The following RNMT variants were observed in gnomAD, a reference collection of about 807,000 sequenced individuals.
RNMT encodes RNA guanine-7 methyltransferase.
Under a neutral mutation model 56.0 loss-of-function variants are expected in RNMT, and 27 were observed. The observed-to-expected ratio is 0.48, with a 90% CI of 0.36 to 0.67. The LOEUF (loss-of-function observed/expected upper bound fraction) is 0.67. Among genes scored for constraint, RNMT ranks in the 30% least tolerant of loss-of-function variants. The probability of loss-of-function intolerance (pLI) is 0.00; values close to 1 mark genes in which losing one functional copy is unlikely to be tolerated. For synonymous variants in RNMT, 184 were observed against 176.2 expected (o/e 1.04, Z -0.35); for missense variants, 519 against 552.1 (o/e 0.94, Z 0.60).
At position 13,753,974 on chromosome 18, in the gene RNMT, A is replaced by G. The variant is rs565187519; in HGVS notation, c.1360-140A>G. ...GATTTCTTTTATATGCTCAGGTCAC[A>G]ATATGATTAACAGTGAATCGAATGT... On this transcript the variant is annotated intron_variant, in intron 10 of 11. Transcript: ENST00000383314. 3.8e-4 allele frequency: 220 copies of G among 581,548 alleles called. 1 individual carries two copies. In the African/African-American group the frequency reaches 3.8e-3, roughly 10 times the overall value. 36.0% of individuals were successfully genotyped at this position (581,548 alleles called of 1,614,324 possible).
At chr18:13,746,140 G>T in intron 8 of RNMT, 80 bp from the exon 9 acceptor site, 4 of 723,792 alleles carry the variant, frequency 5.5e-6, no homozygotes, top group South Asian at 3.6e-5. Context: ...AAGTCCAGAA[G>T]ATGTCATTGC....
intron 1 of RNMT, among the ~76,000 whole-genome samples, chr18:13,728,383 C>T (rs895262982): frequency 1.5e-4 from 20 of 131,162 alleles, no homozygotes; most frequent in Non-Finnish European, 2.5e-4. Context: ...TCGCCCAGGC[C>T]GGAGTGCAGT....
intron 11 of RNMT, 126 bp downstream of exon 11, chr18:13,754,273 G>A (rs975524416): frequency 3.0e-5 from 17 of 564,230 alleles, no homozygotes; most frequent in Non-Finnish European, 4.6e-5. Flanking sequence ...TTGGGATGCC[G>A]AGACAGACAG....
At chr18:13,735,831 G>A (rs1320831397) in intron 4 of RNMT, among the ~76,000 whole-genome samples, 1 of 152,016 alleles carries the variant, frequency 6.6e-6, no homozygotes, top group Non-Finnish European at 1.5e-5. Context: ...AGCTGTTCTA[G>A]CAGCTCTCTT....
chr18:13,740,823 G>C (rs2044240170), intron 6 of RNMT, among the ~76,000 whole-genome samples: 2 of 152,206 alleles, frequency 1.3e-5, no homozygotes, highest in African/African-American at 2.4e-5. Context: ...GAAATTAGCT[G>C]TTGCTTTTCG....
At position 13,761,098 on chromosome 18, in the gene RNMT, A is replaced by G; in HGVS notation, c.*1119A>G. The G allele has an allele frequency of 3.0e-6, 3 of 984,598 alleles. No individual in the cohort carries two copies. Among genetic ancestry groups the G allele is most frequent in the East Asian group, 1.1e-4 (1 of 8,816 alleles). 61.0% of individuals were successfully genotyped at this position (984,598 alleles called of 1,614,324 possible). The stretch of plus-strand genomic sequence containing the variant: ...TTAAGCCATGATTTACAAAAACATT[A>G]CTTTCTGTAATTCACAATACTTGTT... On this transcript the variant is annotated 3_prime_UTR_variant, in exon 12 of 12. Coordinates refer to ENST00000383314, the MANE Select transcript of RNMT (RefSeq NM_003799.3).
Position 13,761,240 on chromosome 18 carries a change from G to C in RNMT, c.*1261G>C. The C allele has an allele frequency of 1.0e-6, 1 of 985,410 alleles. No homozygotes were observed. The highest frequency in any genetic ancestry group is 1.2e-6 in the Non-Finnish European group (1 of 829,940). The allele number at this position is 985,410 out of a possible 1,614,324, so 61.0% of individuals were successfully genotyped here. A position where few individuals can be genotyped will look rare whatever the true frequency, so the allele number is the denominator to read the frequency against. ...CATTTCAGTTCCTTCTGCAGCCTGT[G>C]AATCTCCACAAAGTGTTACCAGTTT... is the stretch of plus-strand genomic sequence containing the variant. On this transcript the variant is annotated 3_prime_UTR_variant, in exon 12 of 12. Transcript: ENST00000383314.
In RNMT at chr18:13,763,222, A is replaced by G; in HGVS notation, c.*3243A>G. On this transcript the variant is annotated 3_prime_UTR_variant, in exon 12 of 12. Transcript: ENST00000383314. ...TTTTCATTCCCCGCCCTCTGACAGA[A>G]CAACATTCCTAATTCTTTGAAGGCA... The G allele has an allele frequency of 2.3e-6, 1 of 444,350 alleles. No homozygotes were observed. Among genetic ancestry groups the G allele is most frequent in the Admixed American group, 2.4e-5 (1 of 41,624 alleles). The allele number at this position is 444,350 out of a possible 1,614,324, so 27.5% of individuals were successfully genotyped here. A position where few individuals can be genotyped will look rare whatever the true frequency, so the allele number is the denominator to read the frequency against.
intron 5 of RNMT, among the ~76,000 whole-genome samples, chr18:13,739,111 C>T (rs535959426): frequency 3.3e-5 from 5 of 152,088 alleles, no homozygotes; most frequent in Non-Finnish European, 7.3e-5. Flanking sequence ...GTCTGCATAA[C>T]CGTAGTTTGT....
chr18:13,741,503 G>A lies in RNMT; in HGVS notation c.793-7G>A. 1 of 1,605,804 alleles carries A rather than the reference G, an allele frequency of 6.2e-7. No homozygotes were observed. The highest frequency in any genetic ancestry group is 2.2e-5 in the East Asian group (1 of 44,722). On this transcript the variant is annotated splice_region_variant and splice_polypyrimidine_tract_variant and intron_variant, in intron 6 of 11. Transcript: ENST00000383314. ...TCACAATCTTAACTCATTTTAATTTGTTTCAGGAACTTCTGATTGACAAAT... is the reference window on the plus strand; with the variant it reads ...TCACAATCTTAACTCATTTTAATTTATTTCAGGAACTTCTGATTGACAAAT...
intron 8 of RNMT, among the ~76,000 whole-genome samples, chr18:13,745,697 C>T (rs2044339205): frequency 7.2e-6 from 1 of 138,776 alleles, no homozygotes; most frequent in Non-Finnish European, 1.7e-5. Flanking sequence ...GTGAGTAGGG[C>T]TCTGGACTGT....
chr18:13,751,739 C>T (rs1230658885), intron 9 of RNMT, among the ~76,000 whole-genome samples: 4 of 152,146 alleles, frequency 2.6e-5, no homozygotes, highest in Non-Finnish European at 5.9e-5. Flanking sequence ...CAATGATAGA[C>T]TAGATTAAGA....
Position 13,762,043 on chromosome 18 carries a change from T to TA in RNMT, c.*2065dup, listed in dbSNP as rs1352357253. 3.5e-5 allele frequency: 53 copies of TA among 1,535,974 alleles called. No homozygotes were observed. Among genetic ancestry groups the TA allele is most frequent in the Non-Finnish European group, 4.3e-5 (49 of 1,146,886 alleles). On this transcript the variant is annotated 3_prime_UTR_variant, in exon 12 of 12. Coordinates refer to ENST00000383314, the MANE Select transcript of RNMT (RefSeq NM_003799.3). ...AATGTTCGGTATTCTATTCAGGACT[T>TA]ACGGTAACTATTATGAGGGAGGCAT...
intron 1 of RNMT, among the ~76,000 whole-genome samples, chr18:13,727,052 C>T (rs1158651373): frequency 6.6e-6 from 1 of 152,224 alleles, no homozygotes; most frequent in Non-Finnish European, 1.5e-5. Flanking sequence ...TTCAGCGGCG[C>T]TTCGGAAACC....
At position 13,762,262 on chromosome 18, in the gene RNMT, C is replaced by A; in HGVS notation, c.*2283C>A. 2 of 1,268,104 alleles carry A rather than the reference C, an allele frequency of 1.6e-6. No individual in the cohort carries two copies. Among genetic ancestry groups the A allele is most frequent in the Non-Finnish European group, 2.1e-6 (2 of 939,862 alleles). 78.6% of individuals were successfully genotyped at this position (1,268,104 alleles called of 1,614,324 possible). A position where few individuals can be genotyped will look rare whatever the true frequency, so the allele number is the denominator to read the frequency against. ...GAACATGGCTGGATTGTGATTTAAC[C>A]AAGAATGCTGATGTTGAATTCTTTG... On this transcript the variant is annotated 3_prime_UTR_variant, in exon 12 of 12. Coordinates refer to ENST00000383314, the MANE Select transcript of RNMT (RefSeq NM_003799.3).
At chr18:13,738,101 A>T (rs1168053063) in intron 5 of RNMT, among the ~76,000 whole-genome samples, 1 of 152,118 alleles carries the variant, frequency 6.6e-6, no homozygotes, top group Non-Finnish European at 1.5e-5. Flanking sequence ...GTTAAAAGAG[A>T]TACATACCCC....
chr18:13,738,542 A>G (rs2044202794), intron 5 of RNMT, among the ~76,000 whole-genome samples: 2 of 152,194 alleles, frequency 1.3e-5, no homozygotes, highest in Non-Finnish European at 2.9e-5. Context: ...GGAATCTGAA[A>G]CCTTAGTGAT....
chr18:13,751,380 T>C (rs1285669196), intron 9 of RNMT, among the ~76,000 whole-genome samples: 1 of 152,218 alleles, frequency 6.6e-6, no homozygotes, highest in Non-Finnish European at 1.5e-5. Flanking sequence ...TCATCATCAC[T>C]GGTCATCAGA....
At chr18:13,738,116 A>G (rs1037938674) in intron 5 of RNMT, among the ~76,000 whole-genome samples, 1 of 152,154 alleles carries the variant, frequency 6.6e-6, no homozygotes, top group Non-Finnish European at 1.5e-5. Flanking sequence ...TACCCCCACT[A>G]CTGAAGTACT....
Sources: gnomAD v4.1 joint callset for allele counts (sites outside exome capture counted in the v4.1 genomes callset) on GRCh38, gnomAD v4.1.1 for gene constraint, MANE v1.5 for transcripts, NCBI Gene and HGNC (gene_info 2026-07-23, HGNC 2026-07-21) for gene names.